Variants in CALN1 observed in about 807,000 individuals in gnomAD.
The protein encoded by CALN1 is calcium-binding protein 8.
A neutral mutation model predicts 30.6 loss-of-function variants in CALN1; 17 were observed. The ratio of observed to expected loss-of-function variants is 0.56; its 90% CI spans 0.38 to 0.83. The LOEUF (loss-of-function observed/expected upper bound fraction) is 0.83, where lower values mean the gene tolerates loss of function less well. CALN1 is among the 40% of genes least tolerant of loss of function. The pLI, the probability that CALN1 is intolerant of heterozygous loss-of-function variation, is 0.00. For missense variants in CALN1, 291 were observed against 354.9 expected (o/e 0.82, Z 1.45); for synonymous variants, 156 against 131.4 (o/e 1.19, Z -1.28).
chr7:72,390,472 C>T (rs569535765), intron 2 of CALN1, among the ~76,000 whole-genome samples: 36 of 152,132 alleles, frequency 2.4e-4, no homozygotes, highest in Non-Finnish European at 4.0e-4. Flanking sequence ...ATTGGCTGCC[C>T]TGAGACAGTG....
At chr7:72,372,913 A>G (rs1041142618) in intron 2 of CALN1, among the ~76,000 whole-genome samples, 3 of 152,204 alleles carry the variant, frequency 2.0e-5, no homozygotes, top group Non-Finnish European at 4.4e-5. Flanking sequence ...TAACCAACAC[A>G]TGGGATGCCA....
At chr7:72,331,721 G>T (rs1423828728) in intron 2 of CALN1, among the ~76,000 whole-genome samples, 3 of 151,866 alleles carry the variant, frequency 2.0e-5, no homozygotes, top group African/African-American at 7.3e-5. Flanking sequence ...AAGTTCAGAG[G>T]TACATGTGCA....
chr7:71,883,973 G>A (rs1056167994), intron 5 of CALN1, among the ~76,000 whole-genome samples: 2 of 152,078 alleles, frequency 1.3e-5, no homozygotes, highest in Non-Finnish European at 2.9e-5. Flanking sequence ...GAGTGAAGTG[G>A]CGCGATCTTG....
intron 5 of CALN1, among the ~76,000 whole-genome samples, chr7:71,855,138 C>T (rs1176822708): frequency 1.3e-5 from 2 of 152,202 alleles, no homozygotes; most frequent in Non-Finnish European, 2.9e-5. Context: ...TTGTATGCAT[C>T]AATGCATGCT....
intron 2 of CALN1, among the ~76,000 whole-genome samples, chr7:72,365,408 C>T (rs1042468101): frequency 1.3e-5 from 2 of 152,066 alleles, no homozygotes; most frequent in African/African-American, 4.8e-5. Context: ...CAACAATAAA[C>T]AACTAGCAAA....
chr7:71,969,759 G>T (rs1797704533), intron 5 of CALN1, among the ~76,000 whole-genome samples: 1 of 151,824 alleles, frequency 6.6e-6, no homozygotes, highest in African/African-American at 2.4e-5. Context: ...TAGAAGGGAA[G>T]TAAATTAATT....
chr7:72,100,864 G>C (rs941882572), intron 4 of CALN1, among the ~76,000 whole-genome samples: 6 of 150,106 alleles, frequency 4.0e-5, no homozygotes, highest in African/African-American at 1.2e-4. Context: ...GACATAACTA[G>C]GAATAACACT....
chr7:72,033,990 C>CT (rs1171566530), intron 4 of CALN1, among the ~76,000 whole-genome samples: 1 of 152,084 alleles, frequency 6.6e-6, no homozygotes, highest in African/African-American at 2.4e-5. Flanking sequence ...TGGCAACTGA[C>CT]TGGAAGGGCA....
intron 5 of CALN1, among the ~76,000 whole-genome samples, chr7:72,018,081 G>C (rs1234114659): frequency 1.3e-5 from 2 of 152,062 alleles, no homozygotes; most frequent in East Asian, 3.9e-4. Context: ...CACGGGGCTT[G>C]AGGTCAAGCA....
intron 4 of CALN1, among the ~76,000 whole-genome samples, chr7:72,088,480 C>G (rs1805626127): frequency 6.6e-6 from 1 of 151,984 alleles, no homozygotes; most frequent in Non-Finnish European, 1.5e-5. Context: ...AGGTGGATCA[C>G]CTGAGGTCAG....
At chr7:72,386,584 G>C (rs895912033) in intron 2 of CALN1, among the ~76,000 whole-genome samples, 2 of 152,088 alleles carry the variant, frequency 1.3e-5, no homozygotes, top group African/African-American at 4.8e-5. Flanking sequence ...GAGAATTCTA[G>C]GATGACCATA....
In CALN1 at chr7:72,184,925, G is replaced by A. The variant is rs1306418595; in HGVS notation, c.245-78631C>T. On this transcript the variant is annotated intron_variant, in intron 3 of 6. Coordinates refer to ENST00000395275, the MANE Select transcript of CALN1 (RefSeq NM_031468.4). ...CCCCATCTCAGCCTCTTGAGTAGCT[G>A]GGACTACAGGTGCACATCAACAAGC... Among the ~76,000 whole-genome samples the A allele has an allele frequency of 3.9e-5, 6 of 152,004 alleles. No individual in the cohort carries two copies. The East Asian group carries it at 7.7e-4, about 20-fold the overall frequency.
At chr7:72,292,961 G>C (rs2129555047) in intron 2 of CALN1, among the ~76,000 whole-genome samples, 1 of 152,090 alleles carries the variant, frequency 6.6e-6, no homozygotes, top group South Asian at 2.1e-4. Context: ...GTCTCTGCAT[G>C]AACATTAAAA....
intron 3 of CALN1, among the ~76,000 whole-genome samples, chr7:72,109,985 C>A (rs549753345): frequency 7.9e-5 from 12 of 152,206 alleles, no homozygotes; most frequent in Non-Finnish European, 5.9e-5. Flanking sequence ...ACAAGGTCTG[C>A]GGCTGCAGTT....
In CALN1 at chr7:72,409,398, G is replaced by A. The variant is rs1036165644; in HGVS notation, c.-74+2660C>T. On this transcript the variant is annotated intron_variant, in intron 1 of 6. Coordinates refer to ENST00000395275, the MANE Select transcript of CALN1 (RefSeq NM_031468.4). The stretch of plus-strand genomic sequence containing the variant: ...TGAGGTTGGCCAGTCCACTCAGACT[G>A]TATCCACATACCTCCCTTCCTCAGA... Among the ~76,000 whole-genome samples, 4 of 150,054 alleles carry A rather than the reference G, an allele frequency of 2.7e-5. No homozygotes were observed. In the East Asian group the frequency reaches 8.4e-4, roughly 31 times the overall value.
upstream of CALN1, among the ~76,000 whole-genome samples, chr7:72,450,238 G>C (rs1182806420): frequency 6.6e-6 from 1 of 152,122 alleles, no homozygotes; most frequent in Non-Finnish European, 1.5e-5. Flanking sequence ...CCATCACCCA[G>C]TCAGACATCA....
chr7:72,384,250 G>C (rs1805076543), intron 2 of CALN1, among the ~76,000 whole-genome samples: 1 of 152,160 alleles, frequency 6.6e-6, no homozygotes, highest in African/African-American at 2.4e-5. Context: ...TTCCTTGGGA[G>C]GTGAGTGAAT....
intron 2 of CALN1, among the ~76,000 whole-genome samples, chr7:72,385,238 A>C (rs139746140): frequency 3.0e-4 from 46 of 152,324 alleles, no homozygotes; most frequent in African/African-American, 1.1e-3. Context: ...ACAATTTAGA[A>C]GTTTCTTACA....
At chr7:72,352,931 A>C (rs1157989801) in intron 2 of CALN1, among the ~76,000 whole-genome samples, 1 of 152,220 alleles carries the variant, frequency 6.6e-6, no homozygotes, top group Non-Finnish European at 1.5e-5. Context: ...AACGATATAA[A>C]AAAGAATAAC....
Sources: gnomAD v4.1 joint callset for allele counts (sites outside exome capture counted in the v4.1 genomes callset) on GRCh38, gnomAD v4.1.1 for gene constraint, MANE v1.5 for transcripts, NCBI Gene and HGNC (gene_info 2026-07-23, HGNC 2026-07-21) for gene names.